The following EPS15 variants were observed in gnomAD, a reference collection of about 807,000 sequenced individuals.
EPS15 encodes epidermal growth factor receptor pathway substrate 15, also known as epidermal growth factor receptor substrate 15.
EPS15 carries 72 observed loss-of-function variants against 113.8 expected under a neutral mutation model. That is an observed-to-expected ratio of 0.63 (90% CI 0.52 to 0.77). EPS15 has a LOEUF of 0.77. Ranked by LOEUF, EPS15 falls within the 30% of genes least tolerant of loss-of-function variation. The pLI is 0.00. For missense variants in EPS15, 1,048 were observed against 1,045.8 expected, an observed-to-expected ratio of 1.00 and a Z score of -0.03; for synonymous variants, 344 against 363.4, an observed-to-expected ratio of 0.95 and a Z score of 0.61.
rs538755186 is a variant in EPS15 at position 51,382,863 on chromosome 1, G to A, written c.2119+11518C>T. 5.9e-5 allele frequency among the ~76,000 whole-genome samples: 9 copies of A among 152,262 alleles called. No individual in the cohort carries two copies. The South Asian group carries it at 1.9e-3, about 32-fold the overall frequency. ...CAAACTCTTCCAAAAAATTGAAGAG[G>A]CAGGAACAATTCCATACTCATTCTG... is the stretch of plus-strand genomic sequence containing the variant. On this transcript the variant is annotated intron_variant, in intron 21 of 24. Transcript: ENST00000371733.
chr1:51,446,983 A>G lies in EPS15; in HGVS notation c.774T>C (p.Pro258=). 1 of 1,613,154 alleles carries G rather than the reference A, an allele frequency of 6.2e-7. No homozygotes were observed. The highest frequency in any genetic ancestry group is 8.5e-7 in the Non-Finnish European group (1 of 1,179,220). ...VREIFLKTGL[P]STLLAHIWSL... ...ACCATATATGGGCTAGTAAGGTAGA[A>G]GGTAAACCTGTTTTCAAGAATATTT... Residue 258 remains proline (P), a synonymous_variant, in exon 10 of 25, where the codon CCT becomes CCC. Transcript: ENST00000371733.
intron 12 of EPS15, among the ~76,000 whole-genome samples, chr1:51,438,939 C>A (rs909113384): frequency 6.6e-6 from 1 of 151,612 alleles, no homozygotes; most frequent in Non-Finnish European, 1.5e-5. Flanking sequence ...TTGCCCTGGT[C>A]AGATTTCAAT....
intron 21 of EPS15, among the ~76,000 whole-genome samples, chr1:51,369,107 T>G (rs1646580804): frequency 6.6e-6 from 1 of 152,210 alleles, no homozygotes; most frequent in Non-Finnish European, 1.5e-5. Context: ...ACTGGAATAT[T>G]GTGAAGCATA....
intron 8 of EPS15, chr1:51,458,592 C>A: frequency 2.3e-6 from 1 of 437,576 alleles, no homozygotes; most frequent in Non-Finnish European, 4.6e-6. Flanking sequence ...TAAAAATTAG[C>A]CGGGGGTGGT....
chr1:51,433,696 T>C (rs1003883606), intron 12 of EPS15, among the ~76,000 whole-genome samples: 5 of 152,230 alleles, frequency 3.3e-5, no homozygotes, highest in African/African-American at 1.2e-4. Context: ...CAAGTGAACT[T>C]ACATAAAGAA....
chr1:51,494,963 C>A (rs941002393), intron 1 of EPS15, among the ~76,000 whole-genome samples: 3 of 152,216 alleles, frequency 2.0e-5, no homozygotes, highest in Non-Finnish European at 4.4e-5. Context: ...AACCTCAATT[C>A]TTTCTGGCAA....
At chr1:51,468,390 T>A in intron 5 of EPS15, 83 bp downstream of exon 5, 1 of 1,027,570 alleles carries the variant, frequency 9.7e-7, no homozygotes, top group South Asian at 1.3e-5. Context: ...GAATTCCTTT[T>A]AATATATTAC....
chr1:51,415,197 C>T (rs1650092649), intron 13 of EPS15, among the ~76,000 whole-genome samples: 1 of 152,120 alleles, frequency 6.6e-6, no homozygotes, highest in South Asian at 2.1e-4. Context: ...TTAAACACAA[C>T]CTCAAAAGAC....
chr1:51,404,503 G>A (rs1648908684), intron 16 of EPS15, among the ~76,000 whole-genome samples: 1 of 152,084 alleles, frequency 6.6e-6, no homozygotes, highest in Admixed American at 6.6e-5. Flanking sequence ...TGACTGCACT[G>A]TGTAAATAAA....
At chr1:51,501,168 G>C (rs1189076202) in intron 1 of EPS15, among the ~76,000 whole-genome samples, 1 of 151,988 alleles carries the variant, frequency 6.6e-6, no homozygotes. Context: ...AGCACTTTGA[G>C]AGCCCGAGGC....
rs193300001 is a variant in EPS15, at chr1:51,410,097, C to T, written c.1114-401G>A. Among the ~76,000 whole-genome samples the T allele has an allele frequency of 4.5e-3, 676 of 150,780 alleles. 2 individuals are homozygous for T. Among genetic ancestry groups the T allele is most frequent in the Non-Finnish European group, 6.8e-3 (464 of 67,806 alleles). The stretch of plus-strand genomic sequence containing the variant: ...AAAAAAATTTAGCTGGGCGTGGTGG[C>T]GCATGCCTGTAATCCCAGCTACTCG... On this transcript the variant is annotated intron_variant, in intron 13 of 24. Coordinates refer to ENST00000371733, the MANE Select transcript of EPS15 (RefSeq NM_001981.3).
At chr1:51,365,163 C>T (rs953975146) in intron 22 of EPS15, among the ~76,000 whole-genome samples, 6 of 152,184 alleles carry the variant, frequency 3.9e-5, no homozygotes, top group African/African-American at 1.4e-4. Flanking sequence ...TGTCTGAAGA[C>T]CCTTTCAAAT....
In EPS15 at chr1:51,354,773, T is replaced by C. The variant is rs1054128638; in HGVS notation, c.*1927A>G. 3 of 192,070 alleles carry C rather than the reference T, an allele frequency of 1.6e-5. No individual in the cohort carries two copies. The highest frequency in any genetic ancestry group is 1.8e-3 in the Middle Eastern group (1 of 546). 11.9% of individuals were successfully genotyped at this position (192,070 alleles called of 1,614,324 possible). A position where few individuals can be genotyped will look rare whatever the true frequency, so the allele number is the denominator to read the frequency against. ...TACACATTTTAACAAAAGATAAAAA[T>C]CTATGTAATCCAGTTAAACATACAT... On this transcript the variant is annotated 3_prime_UTR_variant, in exon 25 of 25. Coordinates refer to ENST00000371733, the MANE Select transcript of EPS15 (RefSeq NM_001981.3).
intron 11 of EPS15, among the ~76,000 whole-genome samples, chr1:51,443,464 C>G (rs560953865): frequency 2.1e-4 from 32 of 152,056 alleles, no homozygotes; most frequent in African/African-American, 7.5e-4. Flanking sequence ...TTAAGGGACT[C>G]ATGTCATACA....
chr1:51,476,503 C>T (rs1027020339), intron 2 of EPS15, among the ~76,000 whole-genome samples: 8 of 152,076 alleles, frequency 5.3e-5, no homozygotes, highest in Non-Finnish European at 1.2e-4. Flanking sequence ...TTATAGTAGT[C>T]TCTGATGGTA....
At chr1:51,440,990 C>T (rs1029182486) in intron 11 of EPS15, among the ~76,000 whole-genome samples, 1 of 152,024 alleles carries the variant, frequency 6.6e-6, no homozygotes, top group African/African-American at 2.4e-5. Context: ...TTAATACCAT[C>T]ATATATGAAA....
intron 1 of EPS15, among the ~76,000 whole-genome samples, chr1:51,490,885 G>A (rs1644220796): frequency 6.6e-6 from 1 of 152,148 alleles, no homozygotes; most frequent in African/African-American, 2.4e-5. Flanking sequence ...AGGTCTGTGG[G>A]TTATACCAAT....
chr1:51,513,154 T>C (rs1644656106), intron 1 of EPS15, among the ~76,000 whole-genome samples: 1 of 152,126 alleles, frequency 6.6e-6, no homozygotes, highest in Admixed American at 6.5e-5. Context: ...TCTATGCAGA[T>C]TAAAAGTATC....
At chr1:51,412,749 T>C (rs988127881) in intron 13 of EPS15, among the ~76,000 whole-genome samples, 3 of 152,232 alleles carry the variant, frequency 2.0e-5, no homozygotes, top group Non-Finnish European at 2.9e-5. Flanking sequence ...CCCAGTCTAG[T>C]AACTTCAGAT....
Sources: allele counts gnomAD v4.1 joint callset (sites outside exome capture counted in the v4.1 genomes callset), GRCh38; gene constraint gnomAD v4.1.1; transcripts MANE v1.5; gene names NCBI Gene and HGNC (gene_info 2026-07-23, HGNC 2026-07-21).